Variants in ARB2A observed in about 807,000 individuals in gnomAD.
The protein encoded by ARB2A is ARB2 cotranscriptional regulator A.
the ARB2A span, among the ~76,000 whole-genome samples, chr5:93,748,366 A>C: frequency 6.6e-6 from 1 of 152,112 alleles, no homozygotes; most frequent in African/African-American, 2.4e-5. Context: ...GAATAGTAAA[A>C]TAAGGAGTTT....
chr5:94,096,420 T>C, the ARB2A span, among the ~76,000 whole-genome samples: 1 of 152,212 alleles, frequency 6.6e-6, no homozygotes, highest in African/African-American at 2.4e-5. Context: ...TACAAGTATC[T>C]TTTCTACTGT....
At chr5:93,825,350 C>T in the ARB2A span, among the ~76,000 whole-genome samples, 2 of 152,148 alleles carry the variant, frequency 1.3e-5, no homozygotes, top group Non-Finnish European at 2.9e-5. Flanking sequence ...TGGTCAGCTG[C>T]TATGAGCTTC....
the ARB2A span, among the ~76,000 whole-genome samples, chr5:94,023,890 TG>T: frequency 1.3e-5 from 2 of 152,164 alleles, no homozygotes; most frequent in Admixed American, 1.3e-4. Flanking sequence ...CGTGCCATAG[TG>T]TGCTGAAATA....
chr5:93,736,888 A>C, the ARB2A span: 23 of 152,334 alleles, frequency 1.5e-4, no homozygotes, highest in African/African-American at 5.3e-4. Context: ...TCCTAAGAAC[A>C]AAAACAAGAC....
the ARB2A span, among the ~76,000 whole-genome samples, chr5:93,919,534 G>C: frequency 6.6e-6 from 1 of 152,260 alleles, no homozygotes; most frequent in Non-Finnish European, 1.5e-5. Context: ...GAAAATTGGA[G>C]AGCACGGTAA....
chr5:93,889,639 A>T, the ARB2A span, among the ~76,000 whole-genome samples: 2 of 151,912 alleles, frequency 1.3e-5, no homozygotes, highest in Non-Finnish European at 2.9e-5. Context: ...ATTGCTCATT[A>T]GATGGCAAAA....
chr5:93,929,050 G>A, the ARB2A span, among the ~76,000 whole-genome samples: 1 of 151,058 alleles, frequency 6.6e-6, no homozygotes, highest in Non-Finnish European at 1.5e-5. Context: ...ACAAAAGGTA[G>A]GAAAATGCTT....
the ARB2A span, among the ~76,000 whole-genome samples, chr5:94,097,906 G>A: frequency 6.8e-6 from 1 of 147,208 alleles, no homozygotes; most frequent in Non-Finnish European, 1.5e-5. Context: ...CTCTGCCGCT[G>A]GCTTAATGAA....
chr5:93,680,929 T>C, the ARB2A span, among the ~76,000 whole-genome samples: 2 of 152,296 alleles, frequency 1.3e-5, no homozygotes, highest in Non-Finnish European at 2.9e-5. Context: ...AGGTAATTGA[T>C]AAGACCAAAA....
chr5:93,830,486 G>A, the ARB2A span, among the ~76,000 whole-genome samples: 1 of 151,684 alleles, frequency 6.6e-6, no homozygotes, highest in Non-Finnish European at 1.5e-5. Flanking sequence ...AGAAGCAGTA[G>A]TGTGTGAGGA....
At chr5:93,802,156 G>A in the ARB2A span, among the ~76,000 whole-genome samples, 3 of 152,004 alleles carry the variant, frequency 2.0e-5, no homozygotes, top group South Asian at 6.2e-4. Context: ...TTTAAGTCAA[G>A]ATATATTTTC....
chr5:93,761,728 C>A, the ARB2A span, among the ~76,000 whole-genome samples: 1 of 152,224 alleles, frequency 6.6e-6, no homozygotes, highest in East Asian at 1.9e-4. Context: ...CAGCATGCAG[C>A]TGGAGATCTG....
At chr5:93,676,280 C>T in the ARB2A span, among the ~76,000 whole-genome samples, 2 of 151,452 alleles carry the variant, frequency 1.3e-5, no homozygotes, top group African/African-American at 4.8e-5. Context: ...AGCACCTGTT[C>T]CCCTGAAGAC....
the ARB2A span, among the ~76,000 whole-genome samples, chr5:93,621,728 C>T: frequency 3.3e-5 from 5 of 152,206 alleles, no homozygotes; most frequent in Admixed American, 2.6e-4. Context: ...GACACAATTA[C>T]CTCAGCTAGG....
chr5:93,677,032 C>G, the ARB2A span, among the ~76,000 whole-genome samples: 18 of 152,284 alleles, frequency 1.2e-4, no homozygotes, highest in East Asian at 2.7e-3. Flanking sequence ...CTACGAATAT[C>G]TGGCTGAAAG....
the ARB2A span, among the ~76,000 whole-genome samples, chr5:93,919,342 A>C: frequency 6.6e-6 from 1 of 152,142 alleles, no homozygotes; most frequent in African/African-American, 2.4e-5. Flanking sequence ...TTATTTAATT[A>C]AATTTACTGT....
chr5:93,851,894 A>G, the ARB2A span, among the ~76,000 whole-genome samples: 1 of 152,184 alleles, frequency 6.6e-6, no homozygotes, highest in Non-Finnish European at 1.5e-5. Context: ...TGCTATTGTG[A>G]ATAGTGCCGC....
At chr5:93,824,297 A>G in the ARB2A span, 10 of 1,471,376 alleles carry the variant, frequency 6.8e-6, no homozygotes, top group Admixed American at 1.9e-4. Context: ...CATATATTAC[A>G]TATTATACCT....
the ARB2A span, among the ~76,000 whole-genome samples, chr5:94,043,619 A>G: frequency 6.6e-6 from 1 of 152,206 alleles, no homozygotes; most frequent in Admixed American, 6.5e-5. Flanking sequence ...ACCTGGCCTC[A>G]TACTTTACCT....
Sources: allele counts gnomAD v4.1 joint callset (sites outside exome capture counted in the v4.1 genomes callset), GRCh38; gene constraint gnomAD v4.1.1; transcripts MANE v1.5; gene names NCBI Gene and HGNC (gene_info 2026-07-23, HGNC 2026-07-21).